Variants in DNAH11 observed in about 807,000 individuals in gnomAD.
DNAH11 encodes dynein axonemal heavy chain 11.
In DNAH11, 442 loss-of-function variants were observed where a neutral mutation model predicts 526.0. The observed-to-expected ratio is 0.84, with a 90% CI of 0.78 to 0.91. The LOEUF (loss-of-function observed/expected upper bound fraction) is 0.91, where lower values mean the gene tolerates loss of function less well. DNAH11 is among the 40% of genes least tolerant of loss of function. DNAH11 has a pLI of 0.00. For synonymous variants in DNAH11, 2,461 were observed against 1,935.9 expected (o/e 1.27, Z -7.12); for missense variants, 6,989 against 5,448.7 (o/e 1.28, Z -8.90).
rs113981597 is a variant in DNAH11 at position 21,884,048 on chromosome 7, G to GA, written c.12388-235dup. ...ACAAAGCCAGACCTCATCTCTTAAA[G>GA]AAAAAAAATCTTCATAAACAGCTCA... On this transcript the variant is annotated intron_variant, in intron 75 of 81. Transcript: ENST00000409508. Among the ~76,000 whole-genome samples, 37,769 of 151,928 alleles carry GA rather than the reference G, an allele frequency of 0.25. 4,892 individuals carry two copies. Among genetic ancestry groups the GA allele is most frequent in the Non-Finnish European group, 0.28 (19,067 of 67,950 alleles).
chr7:21,818,488 A>C, intron 65 of DNAH11, 149 bp downstream of exon 65: 1 of 748,482 alleles, frequency 1.3e-6, no homozygotes, highest in East Asian at 3.2e-5. Context: ...GACCAAAGCA[A>C]CTGCAACATT....
chr7:21,664,746 C>T (rs1030646634), intron 30 of DNAH11, among the ~76,000 whole-genome samples: 1 of 152,062 alleles, frequency 6.6e-6, no homozygotes, highest in African/African-American at 2.4e-5. Flanking sequence ...CAGGTGTGAG[C>T]CACTGCCTCG....
intron 54 of DNAH11, among the ~76,000 whole-genome samples, chr7:21,758,268 T>C (rs929952760): frequency 6.6e-6 from 1 of 152,220 alleles, no homozygotes; most frequent in East Asian, 1.9e-4. Flanking sequence ...AAAAGAACTT[T>C]AGAGAAAGAC....
intron 55 of DNAH11, among the ~76,000 whole-genome samples, chr7:21,767,953 C>T (rs1262645436): frequency 3.3e-5 from 5 of 152,024 alleles, no homozygotes; most frequent in African/African-American, 7.3e-5. Flanking sequence ...AGAAAGGAGT[C>T]GTTAAAGGCA....
chr7:21,576,674 G>C (rs962308279), intron 8 of DNAH11, among the ~76,000 whole-genome samples: 7 of 152,312 alleles, frequency 4.6e-5, no homozygotes, highest in African/African-American at 1.7e-4. Context: ...TGTCAATGCT[G>C]TATTTCAGCT....
intron 25 of DNAH11, among the ~76,000 whole-genome samples, chr7:21,627,564 C>T (rs1308356937): frequency 1.3e-5 from 2 of 151,980 alleles, no homozygotes; most frequent in Non-Finnish European, 2.9e-5. Context: ...TTCTTGGCAC[C>T]TTAGTTGAAA....
chr7:21,738,063 C>T (rs1785694559), intron 46 of DNAH11, among the ~76,000 whole-genome samples: 1 of 152,100 alleles, frequency 6.6e-6, no homozygotes, highest in African/African-American at 2.4e-5. Context: ...TACTTATAGT[C>T]TGTTTGGAGA....
chr7:21,693,311 A>C (rs1258269972), intron 35 of DNAH11, among the ~76,000 whole-genome samples: 1 of 152,222 alleles, frequency 6.6e-6, no homozygotes, highest in Non-Finnish European at 1.5e-5. Flanking sequence ...GTTGCATTCC[A>C]GGGATAAGCT....
At chr7:21,892,312 C>A in intron 76 of DNAH11, 113 bp from the exon 77 acceptor site, 2 of 1,448,712 alleles carry the variant, frequency 1.4e-6, no homozygotes, top group Non-Finnish European at 1.8e-6. Context: ...AGCCTGCTAC[C>A]CAGACAGCAT....
At chr7:21,882,883 G>A (rs1182440797) in intron 75 of DNAH11, among the ~76,000 whole-genome samples, 1 of 151,924 alleles carries the variant, frequency 6.6e-6, no homozygotes, top group East Asian at 1.9e-4. Context: ...GAAAAGAACA[G>A]ATCCCTAGTT....
Position 21,561,060 on chromosome 7 carries a change from C to CT in DNAH11, c.883-8dup. On this transcript the variant is annotated splice_polypyrimidine_tract_variant and intron_variant, in intron 4 of 81. Coordinates refer to ENST00000409508, the MANE Select transcript of DNAH11 (RefSeq NM_001277115.2). ...ATTTATTAAAGTTCTTCTTTTTTTCCTTTAACTTAGCTTCAGGCACCTGTT... is the reference window on the plus strand; with the variant it reads ...ATTTATTAAAGTTCTTCTTTTTTTCCTTTTAACTTAGCTTCAGGCACCTGTT... 1 of 1,560,522 alleles carries CT rather than the reference C, an allele frequency of 6.4e-7. No homozygotes were observed. The highest frequency in any genetic ancestry group is 2.3e-5 in the East Asian group (1 of 43,092).
chr7:21,790,362 A>G (rs1357213967), intron 61 of DNAH11, among the ~76,000 whole-genome samples: 1 of 152,088 alleles, frequency 6.6e-6, no homozygotes, highest in Non-Finnish European at 1.5e-5. Flanking sequence ...AGGCAGGAGA[A>G]TGGCGTGAAC....
At chr7:21,736,778 C>T (rs1458285238) in intron 46 of DNAH11, among the ~76,000 whole-genome samples, 1 of 152,098 alleles carries the variant, frequency 6.6e-6, no homozygotes, top group Non-Finnish European at 1.5e-5. Context: ...TGCTTGAGCC[C>T]AGGAGTTTGA....
intron 56 of DNAH11, among the ~76,000 whole-genome samples, chr7:21,777,587 C>A (rs1448346692): frequency 6.6e-6 from 1 of 152,122 alleles, no homozygotes; most frequent in Admixed American, 6.6e-5. Context: ...TTGGTGGCAT[C>A]TCTAATTTTT....
At chr7:21,861,402 A>G (rs1783058832) in intron 68 of DNAH11, among the ~76,000 whole-genome samples, 1 of 152,214 alleles carries the variant, frequency 6.6e-6, no homozygotes, top group Non-Finnish European at 1.5e-5. Flanking sequence ...ATGGCCTTGA[A>G]TCTGCATTAA....
At chr7:21,788,459 C>T (rs1788287642) in intron 60 of DNAH11, among the ~76,000 whole-genome samples, 1 of 151,906 alleles carries the variant, frequency 6.6e-6, no homozygotes, top group Non-Finnish European at 1.5e-5. Flanking sequence ...AATGTCTCAG[C>T]CCCGTCTTCT....
At chr7:21,553,510 C>A (rs1489319311) in intron 2 of DNAH11, among the ~76,000 whole-genome samples, 1 of 152,154 alleles carries the variant, frequency 6.6e-6, no homozygotes, top group Non-Finnish European at 1.5e-5. Flanking sequence ...CCCTCGGGTC[C>A]CACCTTCAGA....
chr7:21,843,876 A>G (rs748372850), intron 66 of DNAH11, among the ~76,000 whole-genome samples: 2 of 152,228 alleles, frequency 1.3e-5, no homozygotes, highest in African/African-American at 4.8e-5. Context: ...ATTTGGCAAT[A>G]GTGTGTCTCA....
intron 45 of DNAH11, among the ~76,000 whole-genome samples, chr7:21,729,892 A>G (rs1785300297): frequency 6.6e-6 from 1 of 152,178 alleles, no homozygotes; most frequent in Non-Finnish European, 1.5e-5. Context: ...ATAGCAGCCC[A>G]CTTCTTAGAA....
Sources: allele counts gnomAD v4.1 joint callset (sites outside exome capture counted in the v4.1 genomes callset), GRCh38; gene constraint gnomAD v4.1.1; transcripts MANE v1.5; gene names NCBI Gene and HGNC (gene_info 2026-07-23, HGNC 2026-07-21).